SBNO2: variants seen among roughly 807,000 people sequenced by gnomAD.
The protein encoded by SBNO2 is strawberry notch homolog 2, also known as protein strawberry notch homolog 2.
In SBNO2, 89 loss-of-function variants were observed where a neutral mutation model predicts 146.3. The observed-to-expected ratio is 0.61, with a 90% CI of 0.51 to 0.73. SBNO2 has a LOEUF of 0.73. Among genes scored for constraint, SBNO2 ranks in the 30% least tolerant of loss-of-function variants. SBNO2 has a pLI of 0.00. For synonymous variants in SBNO2, 1,147 were observed against 892.6 expected, an observed-to-expected ratio of 1.29 and a Z score of -5.08; for missense variants, 2,092 against 2,003.7, an observed-to-expected ratio of 1.04 and a Z score of -0.84.
intron 4 of SBNO2, among the ~76,000 whole-genome samples, chr19:1,146,814 G>A (rs1169301554): frequency 7.0e-6 from 1 of 142,204 alleles, no homozygotes; most frequent in South Asian, 2.5e-4. Context: ...GGGAGGGTGG[G>A]GGTGGGGTCC....
In SBNO2 at chr19:1,123,019, G is replaced by A. The variant is rs943618184; in HGVS notation, c.655C>T (p.Arg219Cys). Residue 219 changes from arginine to cysteine, a missense_variant, in exon 8 of 32, where the codon CGC becomes TGC. Transcript: ENST00000361757. ...KSKIGKQHPD[R>C]VVETSTLSSV... is the part of the protein sequence containing the mutation. The stretch of plus-strand genomic sequence containing the variant: ...GACAGTGTGCTGGTCTCCACCACGC[G>A]GTCTGGGTGCTGCTTCCCGATCTTG... 1.3e-5 allele frequency: 20 copies of A among 1,590,498 alleles called. No individual in the cohort carries two copies. Among genetic ancestry groups the A allele is most frequent in the Non-Finnish European group, 1.5e-5 (18 of 1,169,180 alleles).
chr19:1,162,104 C>A (rs1482352756), intron 1 of SBNO2, among the ~76,000 whole-genome samples: 1 of 150,530 alleles, frequency 6.6e-6, no homozygotes, highest in East Asian at 2.0e-4. Context: ...GGCTCAGGGA[C>A]CACTCCACAC....
intron 5 of SBNO2, among the ~76,000 whole-genome samples, chr19:1,125,053 T>TA (rs1267092772): frequency 4.6e-5 from 7 of 151,758 alleles, no homozygotes; most frequent in Non-Finnish European, 8.8e-5. Flanking sequence ...ATACGAGCCA[T>TA]AAAAAACGTA....
Position 1,126,655 on chromosome 19 carries a change from C to T in SBNO2, c.441+949G>A, listed in dbSNP as rs2079969215. On this transcript the variant is annotated intron_variant, in intron 5 of 31. Coordinates refer to ENST00000361757, the MANE Select transcript of SBNO2 (RefSeq NM_014963.3). The surrounding 1 kb of genome is among the most constrained non-coding windows in gnomAD (Gnocchi z 4.4). The stretch of plus-strand genomic sequence containing the variant: ...CGTGAGTTCTGCTGCCCGGGTTGCC[C>T]CTTCCTGAGGGCCCGGGAGAGCGGC... 6.6e-6 allele frequency among the ~76,000 whole-genome samples: 1 copy of T among 152,194 alleles called. No individual in the cohort carries two copies. The highest frequency in any genetic ancestry group is 6.5e-5 in the Admixed American group (1 of 15,286).
In SBNO2 at chr19:1,109,453, C is replaced by T. The variant is rs749413082; in HGVS notation, c.3217-30G>A. 8 of 1,564,358 alleles carry T rather than the reference C, an allele frequency of 5.1e-6. No individual in the cohort carries two copies. Among genetic ancestry groups the T allele is most frequent in the Middle Eastern group, 1.7e-4 (1 of 6,024 alleles). ...GGAGGGGGGCGTTGAGGCCGCGCCC[C>T]GGTCCGCCCCCCGCGGGCCCTCCTC... On this transcript the variant is annotated intron_variant, in intron 28 of 31. Coordinates refer to ENST00000361757, the MANE Select transcript of SBNO2 (RefSeq NM_014963.3). The surrounding 1 kb of genome is among the most constrained non-coding windows in gnomAD (Gnocchi z 4.2).
Position 1,112,941 on chromosome 19 carries a change from G to C in SBNO2, c.2256C>G (p.Gly752=). 6.4e-7 allele frequency: 1 copy of C among 1,563,834 alleles called. No homozygotes were observed. The highest frequency in any genetic ancestry group is 8.7e-7 in the Non-Finnish European group (1 of 1,155,658). The change falls in exon 20 of 32, where the codon GGC becomes GGG. Residue 752 remains glycine, a synonymous_variant. Transcript: ENST00000361757. The surrounding 1 kb of genome is among the most constrained non-coding windows in gnomAD (Gnocchi z 5.9). ...GCCTGGACACCACGCGGCCTTTCCT[G>C]CCGGTCATCTGCAGCCGAGACAGGG... The part of the protein sequence containing the change: ...GGPQRVAEMT[G]RKGRVVSRPD...
Position 1,113,589 on chromosome 19 carries a change from G to C in SBNO2, c.2193C>G (p.Val731=), listed in dbSNP as rs572130017. 1 of 1,601,058 alleles carries C rather than the reference G, an allele frequency of 6.2e-7. No homozygotes were observed. The highest frequency in any genetic ancestry group is 1.7e-5 in the Admixed American group (1 of 57,704). ...KVRRLGRELP[V]NTLDELIDQL... ...GGTCGATGAGCTCGTCCAGGGTGTT[G>C]ACTGGCAGTTCCCGGCCCAGCCGCC... The change falls in exon 19 of 32, where the codon GTC becomes GTG. Residue 731 remains valine (V), a synonymous_variant. Coordinates refer to ENST00000361757, the MANE Select transcript of SBNO2 (RefSeq NM_014963.3).
At chr19:1,139,480 T>C (rs1010796239) in intron 4 of SBNO2, among the ~76,000 whole-genome samples, 13 of 151,574 alleles carry the variant, frequency 8.6e-5, no homozygotes, top group Non-Finnish European at 1.5e-4. Flanking sequence ...GACTTTTCTG[T>C]CACGTGAATT....
At chr19:1,142,721 C>T (rs1002604388) in intron 4 of SBNO2, among the ~76,000 whole-genome samples, 32 of 151,072 alleles carry the variant, frequency 2.1e-4, no homozygotes, top group African/African-American at 7.8e-4. Context: ...GCCTGTAATC[C>T]CAGCACTTTG....
chr19:1,167,923 G>T (rs12461269), intron 1 of SBNO2, among the ~76,000 whole-genome samples: 1 of 152,028 alleles, frequency 6.6e-6, no homozygotes, highest in Non-Finnish European at 1.5e-5. Flanking sequence ...AGAGGCTGTG[G>T]ATGAGGAGCT....
At chr19:1,124,419 T>C (rs931637224) in intron 5 of SBNO2, among the ~76,000 whole-genome samples, 18 of 151,708 alleles carry the variant, frequency 1.2e-4, no homozygotes, top group African/African-American at 4.1e-4. Context: ...GCCAGCCCCA[T>C]GCAGTGCAGG....
Position 1,133,441 on chromosome 19 carries a change from G to T in SBNO2, c.280-5676C>A, listed in dbSNP as rs370372836. Among the ~76,000 whole-genome samples the T allele has an allele frequency of 5.3e-5, 8 of 152,078 alleles. No individual in the cohort carries two copies. In the East Asian group the frequency reaches 1.2e-3, roughly 22 times the overall value. On this transcript the variant is annotated intron_variant, in intron 4 of 31. Transcript: ENST00000361757. ...GGACCAGGGGGCCCTCAAACCCTGTGCACTCCGCCCCCTCGGGCTCACCCT... is the reference window on the plus strand; with the variant it reads ...GGACCAGGGGGCCCTCAAACCCTGTTCACTCCGCCCCCTCGGGCTCACCCT...
Position 1,108,635 on chromosome 19 carries a change from T to C in SBNO2, c.3686A>G (p.Lys1229Arg), listed in dbSNP as rs2079706485. 1.3e-6 allele frequency: 2 copies of C among 1,486,082 alleles called. No homozygotes were observed. The allele number at this position is 1,486,082 out of a possible 1,614,324, so 92.1% of individuals were successfully genotyped here. A position where few individuals can be genotyped will look rare whatever the true frequency, so the allele number is the denominator to read the frequency against. Residue 1229 changes from lysine (K) to arginine (R), a missense_variant, in exon 32 of 32, where the codon AAG (lysine) becomes AGG (arginine). Coordinates refer to ENST00000361757, the MANE Select transcript of SBNO2 (RefSeq NM_014963.3). ...GCCCAGGGCGGGCGCCTGCCTGCGC[T>C]TCACGTCCGCATCCATCAGCCGCAG... ...QELRLMDADV[K>R]RRQAPALGCP...
At chr19:1,120,050 T>C in intron 11 of SBNO2, 27 bp from the exon 12 acceptor site, 2 of 1,539,458 alleles carry the variant, frequency 1.3e-6, no homozygotes, top group Non-Finnish European at 1.8e-6. Flanking sequence ...TTAAGGAGTA[T>C]TCTGAAGGAC....
chr19:1,127,576 G>A, intron 5 of SBNO2, 28 bp downstream of exon 5: 1 of 1,605,682 alleles, frequency 6.2e-7, no homozygotes, highest in Non-Finnish European at 8.5e-7. Context: ...GTGGGTCGGG[G>A]CTGGCTGGGG....
intron 5 of SBNO2, among the ~76,000 whole-genome samples, chr19:1,124,875 C>T (rs1376839999): frequency 6.6e-6 from 1 of 152,040 alleles, no homozygotes. Context: ...AGCCTGTGAA[C>T]GGGTGGGTCG....
Position 1,108,187 on chromosome 19 carries a change from T to C in SBNO2, c.*33A>G, listed in dbSNP as rs748099093. On this transcript the variant is annotated 3_prime_UTR_variant, in exon 32 of 32. Transcript: ENST00000361757. The stretch of plus-strand genomic sequence containing the variant: ...CTGCTCCTAGGGGAGAAACGGTCCC[T>C]GTGTCTTGGGGCATGTTTCGCCTAA... 16 of 1,509,478 alleles carry C rather than the reference T, an allele frequency of 1.1e-5. No individual in the cohort carries two copies. In the South Asian group the frequency reaches 1.7e-4, roughly 16 times the overall value. The allele number at this position is 1,509,478 out of a possible 1,614,324, so 93.5% of individuals were successfully genotyped here.
Position 1,112,643 on chromosome 19 carries a change from C to T in SBNO2, c.2380-106G>A, listed in dbSNP as rs1226206715. The stretch of plus-strand genomic sequence containing the variant: ...CCCGCTCCAGGTCACCAGGACGTCC[C>T]GGGGCAGCGAGAGGCCTGCGGGGCG... On this transcript the variant is annotated intron_variant, in intron 20 of 31. Transcript: ENST00000361757. The surrounding 1 kb of genome is among the most constrained non-coding windows in gnomAD (Gnocchi z 5.9). 1.2e-5 allele frequency: 18 copies of T among 1,457,222 alleles called. No individual in the cohort carries two copies. Among genetic ancestry groups the T allele is most frequent in the African/African-American group, 1.4e-5 (1 of 70,724 alleles). 90.3% of individuals were successfully genotyped at this position (1,457,222 alleles called of 1,614,324 possible).
chr19:1,148,115 T>C (rs925989501), intron 3 of SBNO2, among the ~76,000 whole-genome samples: 1 of 151,908 alleles, frequency 6.6e-6, no homozygotes, highest in Admixed American at 6.5e-5. Context: ...CCCCAGGCTC[T>C]CCCTCCAGAA....
Sources: allele counts gnomAD v4.1 joint callset (sites outside exome capture counted in the v4.1 genomes callset), GRCh38; gene constraint gnomAD v4.1.1; non-coding constraint Gnocchi (gnomAD v3.1); transcripts MANE v1.5; gene names NCBI Gene and HGNC (gene_info 2026-07-23, HGNC 2026-07-21).